The following RPRD2 variants were observed in gnomAD, a reference collection of about 807,000 sequenced individuals.
The protein encoded by RPRD2 is regulation of nuclear pre-mRNA domain-containing protein 2.
Under a neutral mutation model 104.4 loss-of-function variants are expected in RPRD2, and 12 were observed. The observed-to-expected ratio is 0.11, with a 90% CI of 0.07 to 0.19. The LOEUF (loss-of-function observed/expected upper bound fraction) is 0.19, where lower values mean the gene tolerates loss of function less well. RPRD2 is among the 10% of genes least tolerant of loss of function. RPRD2 has a pLI of 1.00. For missense variants in RPRD2, 1,543 were observed against 1,790.1 expected (o/e 0.86, Z 2.49); for synonymous variants, 714 against 684.9 (o/e 1.04, Z -0.66).
intron 2 of RPRD2, among the ~76,000 whole-genome samples, chr1:150,430,711 C>T (rs1433213469): frequency 6.6e-6 from 1 of 152,162 alleles, no homozygotes; most frequent in African/African-American, 2.4e-5. Context: ...AGGCGGATCA[C>T]CTGAGGTTGG....
intron 7 of RPRD2, among the ~76,000 whole-genome samples, chr1:150,452,943 T>G: frequency 6.6e-6 from 1 of 152,102 alleles, no homozygotes. Context: ...GTGCTGAGAT[T>G]ACAGGCGTGA....
chr1:150,418,546 G>C (rs1284489698), intron 2 of RPRD2, among the ~76,000 whole-genome samples: 1 of 152,100 alleles, frequency 6.6e-6, no homozygotes, highest in Non-Finnish European at 1.5e-5. Flanking sequence ...GCGGTAGTTG[G>C]ATCCAGCACT....
intron 8 of RPRD2, among the ~76,000 whole-genome samples, chr1:150,458,638 AT>A (rs1667711523): frequency 6.6e-6 from 1 of 152,102 alleles, no homozygotes. Context: ...GTTTCTTTTT[AT>A]TTGTTTGTTT....
At chr1:150,422,353 A>AAT (rs59856247) in intron 2 of RPRD2, among the ~76,000 whole-genome samples, 1,419 of 104,920 alleles carry the variant, frequency 0.014, 57 homozygotes, top group Admixed American at 0.082. Flanking sequence ...TAATAATAAT[A>AAT]ATAATAATAA....
chr1:150,446,307 A>G lies in RPRD2; in HGVS notation c.776A>G (p.Lys259Arg). 1.2e-6 allele frequency: 2 copies of G among 1,612,846 alleles called. No individual in the cohort carries two copies. Among genetic ancestry groups the G allele is most frequent in the East Asian group, 2.2e-5 (1 of 44,856 alleles). ...KLEEFVNGLDKQVKNGPSLTE... is the reference protein window; with the variant it reads ...KLEEFVNGLDRQVKNGPSLTE... Reference sequence around the variant, plus strand: ...GAAGAATTTGTGAATGGATTAGATAAGCAGGTGAAAAACGGACCCTCATTA... The same window carrying G: ...GAAGAATTTGTGAATGGATTAGATAGGCAGGTGAAAAACGGACCCTCATTA... The change falls in exon 7 of 11, where the codon AAG becomes AGG. Residue 259 changes from lysine to arginine, a missense_variant. Lys to Arg is a conservative substitution (Grantham distance 26, BLOSUM62 2). Transcript: ENST00000369068.
rs753529557 is a variant in RPRD2 at position 150,472,506 on chromosome 1, C to A, written c.3558C>A (p.Phe1186Leu). The part of the protein sequence containing the change: ...ESVGSFRSNS[F>L]NSTFEHHLPP... ...TCGGCAGCTTTCGTTCCAACAGTTT[C>A]AACTCAACATTTGAGCATCATCTTC... Residue 1186 changes from phenylalanine to leucine, a missense_variant, in exon 11 of 11, where the codon TTC (phenylalanine) becomes TTA (leucine). Physicochemically the swap from Phe to Leu is conservative, Grantham distance 22 (BLOSUM62 0). Coordinates refer to ENST00000369068, the MANE Select transcript of RPRD2 (RefSeq NM_015203.5). 1 of 1,613,984 alleles carries A rather than the reference C, an allele frequency of 6.2e-7. No individual in the cohort carries two copies. The highest frequency in any genetic ancestry group is 2.2e-5 in the East Asian group (1 of 44,868).
Position 150,457,410 on chromosome 1 carries a change from G to T in RPRD2, c.993G>T (p.Pro331=), listed in dbSNP as rs782522411. Residue 331 remains proline, a synonymous_variant, in exon 8 of 11, where the codon CCG becomes CCT. Transcript: ENST00000369068. ...CCCCAAGCATGGACGCTCCCTCCCCGACTGGTTCTGAGTCTCCTTTTCAGG... is the reference window on the plus strand; with the variant it reads ...CCCCAAGCATGGACGCTCCCTCCCCTACTGGTTCTGAGTCTCCTTTTCAGG... The part of the protein sequence containing the change: ...VPSPSMDAPS[P]TGSESPFQGM... 16 of 1,613,772 alleles carry T rather than the reference G, an allele frequency of 9.9e-6. No homozygotes were observed. Among genetic ancestry groups the T allele is most frequent in the Non-Finnish European group, 1.3e-5 (15 of 1,179,844 alleles).
chr1:150,458,478 G>A (rs782468391), intron 8 of RPRD2, among the ~76,000 whole-genome samples: 3 of 151,206 alleles, frequency 2.0e-5, no homozygotes, highest in Non-Finnish European at 2.9e-5. Flanking sequence ...CAGACACATT[G>A]GAGTCCAGAA....
chr1:150,399,713 C>A (rs1000888630), intron 1 of RPRD2, among the ~76,000 whole-genome samples: 1 of 150,690 alleles, frequency 6.6e-6, no homozygotes, highest in African/African-American at 2.4e-5. Flanking sequence ...GCAGAGATCA[C>A]GCCACTGCAC....
At chr1:150,401,945 G>GTT (rs199834745) in intron 1 of RPRD2, among the ~76,000 whole-genome samples, 67 of 137,316 alleles carry the variant, frequency 4.9e-4, no homozygotes, top group South Asian at 1.8e-3. Context: ...GCCCAGTGGG[G>GTT]TTTTTTTTTT....
At chr1:150,377,256 G>A (rs587744044) in intron 1 of RPRD2, among the ~76,000 whole-genome samples, 1 of 151,748 alleles carries the variant, frequency 6.6e-6, no homozygotes, top group Admixed American at 6.6e-5. Context: ...CTTCCTCTAT[G>A]TAAACCCCTG....
Position 150,470,904 on chromosome 1 carries a change from A to G in RPRD2, c.1956A>G (p.Ser652=), listed in dbSNP as rs1481913274. 1.2e-6 allele frequency: 2 copies of G among 1,614,020 alleles called. No individual in the cohort carries two copies. Among genetic ancestry groups the G allele is most frequent in the Non-Finnish European group, 8.5e-7 (1 of 1,179,896 alleles). Residue 652 remains serine (S), a synonymous_variant, in exon 11 of 11, where the codon TCA becomes TCG. Coordinates refer to ENST00000369068, the MANE Select transcript of RPRD2 (RefSeq NM_015203.5). ...CTGAAGTTACCATCTGCCAATCTTC[A>G]GAGGTCTCCAAGCCAAAGCTGGAGT... is the stretch of plus-strand genomic sequence containing the variant. ...PPTEVTICQS[S]EVSKPKLESE...
At chr1:150,456,638 AAAGC>A (rs1411114456) in intron 7 of RPRD2, among the ~76,000 whole-genome samples, 1 of 151,880 alleles carries the variant, frequency 6.6e-6, no homozygotes, top group Non-Finnish European at 1.5e-5. Flanking sequence ...AAAAAAAAAA[AAAGC>A]AGCCGAGCAC....
intron 1 of RPRD2, among the ~76,000 whole-genome samples, chr1:150,416,816 G>A (rs1403522515): frequency 7.0e-6 from 1 of 143,514 alleles, no homozygotes; most frequent in Non-Finnish European, 1.5e-5. Context: ...AGGTTGCAGT[G>A]AGCTGAGATT....
rs368441949 is a variant in RPRD2 at position 150,448,755 on chromosome 1, C to T, written c.870+2354C>T. ...TCTGAATTCCCTTTTCCCCCTGGGT[C>T]CTCCCTACCTGAATTTTCATTTTCC... On this transcript the variant is annotated intron_variant, in intron 7 of 10. Transcript: ENST00000369068. Among the ~76,000 whole-genome samples the T allele has an allele frequency of 3.7e-4, 56 of 152,272 alleles. 1 individual carries two copies. In the South Asian group the frequency reaches 0.011, roughly 30 times the overall value.
chr1:150,422,368 A>AATAATAATAATAAT (rs1226427352), intron 2 of RPRD2, among the ~76,000 whole-genome samples: 1 of 82,116 alleles, frequency 1.2e-5, no homozygotes, highest in Non-Finnish European at 2.9e-5. Flanking sequence ...TAATAATAAT[A>AATAATAATAATAAT]AATAAAATTA....
intron 1 of RPRD2, among the ~76,000 whole-genome samples, chr1:150,417,069 A>C (rs1664400284): frequency 6.6e-6 from 1 of 152,078 alleles, no homozygotes; most frequent in Admixed American, 6.6e-5. Flanking sequence ...TCTGTAATAA[A>C]TGTTAAGCAA....
chr1:150,381,472 C>T (rs1661123903), intron 1 of RPRD2, among the ~76,000 whole-genome samples: 1 of 151,850 alleles, frequency 6.6e-6, no homozygotes, highest in Non-Finnish European at 1.5e-5. Context: ...TGACCCCAGA[C>T]CACACGTTGA....
chr1:150,424,669 T>C (rs1291462057), intron 2 of RPRD2, among the ~76,000 whole-genome samples: 1 of 152,196 alleles, frequency 6.6e-6, no homozygotes, highest in Non-Finnish European at 1.5e-5. Flanking sequence ...AATGACAATT[T>C]AGTAAAAGTC....
Sources: allele counts gnomAD v4.1 joint callset (sites outside exome capture counted in the v4.1 genomes callset), GRCh38; gene constraint gnomAD v4.1.1; transcripts MANE v1.5; gene names NCBI Gene and HGNC (gene_info 2026-07-23, HGNC 2026-07-21).